Variants in NRF1 observed in about 807,000 individuals in gnomAD.
NRF1 encodes the protein nuclear respiratory factor 1.
Under a neutral mutation model 58.5 loss-of-function variants are expected in NRF1, and 5 were observed. The observed-to-expected ratio is 0.09, with a 90% CI of 0.04 to 0.18. The LOEUF is 0.18. NRF1 is among the 10% of genes least tolerant of loss of function. The pLI is 1.00. For synonymous variants in NRF1, 224 were observed against 246.7 expected, an observed-to-expected ratio of 0.91 and a Z score of 0.86; for missense variants, 288 against 657.7, an observed-to-expected ratio of 0.44 and a Z score of 6.15.
intron 1 of NRF1, among the ~76,000 whole-genome samples, chr7:129,626,707 G>A (rs1800927717): frequency 6.6e-6 from 1 of 152,202 alleles, no homozygotes; most frequent in Non-Finnish European, 1.5e-5. Flanking sequence ...AAAAGGGGAA[G>A]AAGTAGCAAC....
At chr7:129,692,118 A>C (rs1343493766) in intron 5 of NRF1, among the ~76,000 whole-genome samples, 1 of 151,950 alleles carries the variant, frequency 6.6e-6, no homozygotes, top group Non-Finnish European at 1.5e-5. Flanking sequence ...GTGGCAGGTC[A>C]TGTCAGTTCA....
At chr7:129,696,083 A>AC (rs1802689629) in intron 5 of NRF1, among the ~76,000 whole-genome samples, 7 of 145,392 alleles carry the variant, frequency 4.8e-5, no homozygotes, top group South Asian at 4.6e-4. Flanking sequence ...AAAAAAAAAA[A>AC]AAACAACCAA....
chr7:129,710,304 A>G, intron 6 of NRF1, 70 bp from the exon 7 acceptor site: 3 of 1,364,714 alleles, frequency 2.2e-6, no homozygotes, highest in Non-Finnish European at 3.1e-6. Flanking sequence ...GTAGCTGCTT[A>G]TTGCATATTG....
At chr7:129,634,177 A>G (rs1390826922) in intron 1 of NRF1, among the ~76,000 whole-genome samples, 2 of 151,842 alleles carry the variant, frequency 1.3e-5, no homozygotes, top group South Asian at 2.1e-4. Context: ...TCCTTTATTA[A>G]TATCTTGCTG....
intron 1 of NRF1, among the ~76,000 whole-genome samples, chr7:129,612,658 C>T (rs1257312238): frequency 6.6e-6 from 1 of 152,182 alleles, no homozygotes; most frequent in Non-Finnish European, 1.5e-5. Flanking sequence ...GAGTGGCACG[C>T]CCCTCCGAAG....
At position 129,675,065 on chromosome 7, in the gene NRF1, T is replaced by C. The variant is rs564200734; in HGVS notation, c.339-2567T>C. Among the ~76,000 whole-genome samples the C allele has an allele frequency of 5.3e-5, 8 of 152,314 alleles. No individual in the cohort carries two copies. The South Asian group carries it at 1.7e-3, about 32-fold the overall frequency. On this transcript the variant is annotated intron_variant, in intron 3 of 10. Coordinates refer to ENST00000393232, the MANE Select transcript of NRF1 (RefSeq NM_005011.5). ...AATTCAGTTTGTGTAATATTCTAAA[T>C]CTTTTATTGTCATTTCAACAATATA... is the stretch of plus-strand genomic sequence containing the variant.
At position 129,657,232 on chromosome 7, in the gene NRF1, G is replaced by A. The variant is rs538029663; in HGVS notation, c.-6-114G>A. The A allele has an allele frequency of 4.5e-5, 33 of 727,644 alleles. No homozygotes were observed. In the African/African-American group the frequency reaches 5.4e-4, roughly 12 times the overall value. 45.1% of individuals were successfully genotyped at this position (727,644 alleles called of 1,614,324 possible). ...GACTTGGTGTGGCACGGTAAGTAGT[G>A]AAATTGGAATTTTGTCAAGGTTCCT... On this transcript the variant is annotated intron_variant, in intron 1 of 10. Coordinates refer to ENST00000393232, the MANE Select transcript of NRF1 (RefSeq NM_005011.5).
intron 3 of NRF1, among the ~76,000 whole-genome samples, chr7:129,674,427 C>T (rs984078889): frequency 5.3e-5 from 8 of 151,820 alleles, no homozygotes; most frequent in African/African-American, 1.5e-4. Context: ...ATGTACATAC[C>T]GTAATTTTAA....
chr7:129,750,052 A>C (rs933986378), intron 10 of NRF1, among the ~76,000 whole-genome samples: 2 of 152,100 alleles, frequency 1.3e-5, no homozygotes, highest in African/African-American at 4.8e-5. Context: ...GCAGAAGTCA[A>C]GTGACATGCA....
At chr7:129,647,316 C>CCTG (rs1459475032) in intron 1 of NRF1, among the ~76,000 whole-genome samples, 2 of 152,068 alleles carry the variant, frequency 1.3e-5, no homozygotes, top group Non-Finnish European at 2.9e-5. Flanking sequence ...AGCCACCATG[C>CCTG]CTGGCGCTTA....
intron 8 of NRF1, among the ~76,000 whole-genome samples, chr7:129,716,115 G>C (rs1803183086): frequency 6.6e-6 from 1 of 152,078 alleles, no homozygotes; most frequent in African/African-American, 2.4e-5. Flanking sequence ...TGTACTGTTT[G>C]TGAAAAAAGC....
chr7:129,735,132 C>A, intron 10 of NRF1: 1 of 985,446 alleles, frequency 1.0e-6, no homozygotes, highest in Non-Finnish European at 1.2e-6. Context: ...CTCCGCTGGT[C>A]AGCACTGAAG....
intron 7 of NRF1, among the ~76,000 whole-genome samples, chr7:129,711,175 T>C (rs569309302): frequency 1.3e-5 from 2 of 152,302 alleles, no homozygotes; most frequent in East Asian, 3.9e-4. Context: ...AATTTGTTGA[T>C]TGGGAACCTC....
intron 2 of NRF1, 91 bp downstream of exon 2, chr7:129,657,665 A>G (rs949845215): frequency 2.5e-6 from 2 of 791,014 alleles, no homozygotes; most frequent in Admixed American, 2.9e-5. Context: ...GCTGGGGTGC[A>G]GCAGCACAAT....
intron 1 of NRF1, among the ~76,000 whole-genome samples, chr7:129,627,735 T>C (rs1800952358): frequency 1.3e-5 from 2 of 152,320 alleles, no homozygotes; most frequent in Non-Finnish European, 2.9e-5. Flanking sequence ...ATAAAACTAA[T>C]TTTAATTCAG....
chr7:129,740,551 A>G (rs1161992933), intron 10 of NRF1, among the ~76,000 whole-genome samples: 2 of 152,160 alleles, frequency 1.3e-5, no homozygotes, highest in African/African-American at 4.8e-5. Flanking sequence ...TAGAATTACC[A>G]GGCCTTTTCT....
chr7:129,637,252 GAAA>G (rs35335362), intron 1 of NRF1, among the ~76,000 whole-genome samples: 3 of 133,306 alleles, frequency 2.3e-5, no homozygotes, highest in South Asian at 4.8e-4. Context: ...AGGCTCTGCT[GAAA>G]AAAAAAAAAA....
intron 2 of NRF1, among the ~76,000 whole-genome samples, chr7:129,670,009 C>G (rs569771262): frequency 2.0e-5 from 3 of 152,176 alleles, no homozygotes; most frequent in Admixed American, 1.3e-4. Context: ...ATTATTCACC[C>G]TTAAAAACAC....
At chr7:129,754,484 G>A (rs1164579206) in intron 10 of NRF1, among the ~76,000 whole-genome samples, 93 of 29,064 alleles carry the variant, frequency 3.2e-3, no homozygotes, top group South Asian at 4.7e-3. Flanking sequence ...AAAAAAAAAA[G>A]TTAAAATGGA....
Sources: gnomAD v4.1 joint callset for allele counts (sites outside exome capture counted in the v4.1 genomes callset) on GRCh38, gnomAD v4.1.1 for gene constraint, MANE v1.5 for transcripts, NCBI Gene and HGNC (gene_info 2026-07-23, HGNC 2026-07-21) for gene names.